The following USP46 variants were observed in gnomAD, a reference collection of about 807,000 sequenced individuals.
The protein encoded by USP46 is ubiquitin carboxyl-terminal hydrolase 46.
Under a neutral mutation model 44.4 loss-of-function variants are expected in USP46, and 12 were observed. The observed-to-expected ratio is 0.27, with a 90% confidence interval of 0.17 to 0.44. The LOEUF (loss-of-function observed/expected upper bound fraction) is 0.44. Ranked by LOEUF, USP46 falls within the 20% of genes least tolerant of loss-of-function variation. USP46 has a pLI of 1.00. For missense variants in USP46, 248 were observed against 444.8 expected (o/e 0.56, Z 3.98); for synonymous variants, 155 against 161.5 (o/e 0.96, Z 0.31).
At position 52,655,602 on chromosome 4, in the gene USP46, T is replaced by C. The variant is rs373250266; in HGVS notation, c.36+3513A>G. Among the ~76,000 whole-genome samples, 6 of 152,326 alleles carry C rather than the reference T, an allele frequency of 3.9e-5. No individual in the cohort carries two copies. In the East Asian group the frequency reaches 7.7e-4, roughly 20 times the overall value. On this transcript the variant is annotated intron_variant, in intron 1 of 8. Coordinates refer to ENST00000441222, the MANE Select transcript of USP46 (RefSeq NM_022832.4). ...TTCCATTTGCAGGGCCATAAAAATA[T>C]ATAGGAAGTTAAATCCATTGGTCTG... is the stretch of plus-strand genomic sequence containing the variant.
chr4:52,602,140 T>G lies in USP46; in HGVS notation c.723-86A>C, dbSNP rs553130897. ...ACTGTCATCTGCACAAACAGAATAG[T>G]AGGAGGTTCTATCCAACTTCAAACC... On this transcript the variant is annotated intron_variant, in intron 6 of 8. Transcript: ENST00000441222. 4.9e-6 allele frequency: 7 copies of G among 1,428,398 alleles called. No individual in the cohort carries two copies. The African/African-American group carries it at 1.0e-4, about 20-fold the overall frequency. The allele number at this position is 1,428,398 out of a possible 1,614,324, so 88.5% of individuals were successfully genotyped here.
intron 5 of USP46, among the ~76,000 whole-genome samples, chr4:52,606,061 A>G (rs541099926): frequency 2.5e-4 from 38 of 152,250 alleles, no homozygotes; most frequent in Middle Eastern, 3.4e-3. Context: ...TGTTCATTTG[A>G]TTACTTGCCT....
At chr4:52,654,049 T>C (rs1292277794) in intron 1 of USP46, among the ~76,000 whole-genome samples, 1 of 152,192 alleles carries the variant, frequency 6.6e-6, no homozygotes, top group Non-Finnish European at 1.5e-5. Flanking sequence ...ATACCAGCAT[T>C]CAACTTTGTT....
chr4:52,639,445 A>T (rs1718245267), intron 1 of USP46, among the ~76,000 whole-genome samples: 1 of 152,106 alleles, frequency 6.6e-6, no homozygotes, highest in African/African-American at 2.4e-5. Flanking sequence ...GCCAGTTTCC[A>T]TCTTTGGAAC....
intron 4 of USP46, among the ~76,000 whole-genome samples, chr4:52,614,910 C>A (rs1317302389): frequency 6.6e-6 from 1 of 152,004 alleles, no homozygotes; most frequent in Non-Finnish European, 1.5e-5. Flanking sequence ...TATATGCTTT[C>A]TACATTTTAT....
At chr4:52,600,687 C>T (rs1716433672) in intron 7 of USP46, among the ~76,000 whole-genome samples, 1 of 152,034 alleles carries the variant, frequency 6.6e-6, no homozygotes, top group Non-Finnish European at 1.5e-5. Context: ...CTCCTGTCCA[C>T]ACCACCCCTG....
intron 1 of USP46, among the ~76,000 whole-genome samples, chr4:52,657,113 C>CA (rs1335179989): frequency 6.6e-6 from 1 of 151,230 alleles, no homozygotes; most frequent in East Asian, 1.9e-4. Context: ...CAAACTCTGT[C>CA]ACTCTCTAGA....
At chr4:52,653,773 T>C (rs1421024514) in intron 1 of USP46, among the ~76,000 whole-genome samples, 1 of 152,058 alleles carries the variant, frequency 6.6e-6, no homozygotes, top group Non-Finnish European at 1.5e-5. Flanking sequence ...TTTCTGATGA[T>C]ACCACAGAAT....
intron 1 of USP46, among the ~76,000 whole-genome samples, chr4:52,648,347 T>C (rs945198719): frequency 6.6e-6 from 1 of 152,214 alleles, no homozygotes; most frequent in African/African-American, 2.4e-5. Context: ...TACTCTTAGG[T>C]GGCACCAGTA....
intron 1 of USP46, among the ~76,000 whole-genome samples, chr4:52,646,403 C>T (rs536454440): frequency 3.3e-5 from 5 of 152,268 alleles, no homozygotes; most frequent in Non-Finnish European, 5.9e-5. Context: ...GGGCTCTCTC[C>T]TCCCATCCTC....
intron 4 of USP46, among the ~76,000 whole-genome samples, chr4:52,618,305 A>G (rs1046590293): frequency 2.0e-5 from 3 of 152,166 alleles, no homozygotes; most frequent in African/African-American, 7.2e-5. Flanking sequence ...CCTGGCCAAC[A>G]TGGTGAAACC....
intron 1 of USP46, among the ~76,000 whole-genome samples, chr4:52,640,599 G>A (rs1427479809): frequency 2.0e-5 from 3 of 151,762 alleles, no homozygotes; most frequent in South Asian, 4.2e-4. Context: ...TTGGGAGTTC[G>A]AGACCAGCCT....
At chr4:52,653,715 T>C (rs1718852701) in intron 1 of USP46, among the ~76,000 whole-genome samples, 1 of 152,044 alleles carries the variant, frequency 6.6e-6, no homozygotes, top group African/African-American at 2.4e-5. Flanking sequence ...TAGCTTTGGG[T>C]GGCTTCATGG....
At chr4:52,610,898 T>A (rs1453019316) in intron 4 of USP46, among the ~76,000 whole-genome samples, 1 of 152,102 alleles carries the variant, frequency 6.6e-6, no homozygotes, top group Non-Finnish European at 1.5e-5. Context: ...ATTTTTCCCA[T>A]CGTTTCAAAG....
intron 1 of USP46, among the ~76,000 whole-genome samples, chr4:52,636,705 C>CA (rs1182691689): frequency 0.043 from 1,510 of 35,422 alleles, 90 homozygotes; most frequent in Non-Finnish European, 0.058. Flanking sequence ...GACTCTGTCT[C>CA]AAAAAAAAAA....
Position 52,598,619 on chromosome 4 carries a change from C to T in USP46, c.999+9G>A, listed in dbSNP as rs377620169. On this transcript the variant is annotated intron_variant, in intron 8 of 8. Coordinates refer to ENST00000441222, the MANE Select transcript of USP46 (RefSeq NM_022832.4). ...TCTATGACTACTGGAGAATAATCTG[C>T]AAACCAACCTCTACAATGTCATCAT... 22 of 1,606,430 alleles carry T rather than the reference C, an allele frequency of 1.4e-5. No individual in the cohort carries two copies. In the Middle Eastern group the frequency reaches 8.2e-4, roughly 60 times the overall value.
chr4:52,646,967 G>A (rs946909299), intron 1 of USP46, among the ~76,000 whole-genome samples: 1 of 152,186 alleles, frequency 6.6e-6, no homozygotes, highest in Non-Finnish European at 1.5e-5. Context: ...AGTTACAAAT[G>A]CAAATCCATT....
rs571663393 is a variant in USP46, at chr4:52,644,788, T to C, written c.37-13644A>G. Among the ~76,000 whole-genome samples the C allele has an allele frequency of 1.4e-3, 204 of 148,234 alleles. No individual in the cohort carries two copies. In the Middle Eastern group the frequency reaches 0.014, roughly 10 times the overall value. ...TGAAAAAAACCTTGGCCAGGCGCAG[T>C]GGCTCACGCCTGTAATCCCAGCACT... On this transcript the variant is annotated intron_variant, in intron 1 of 8. Transcript: ENST00000441222.
intron 7 of USP46, among the ~76,000 whole-genome samples, chr4:52,598,975 C>G (rs1716348541): frequency 6.6e-6 from 1 of 152,214 alleles, no homozygotes; most frequent in South Asian, 2.1e-4. Context: ...AAAAATTACT[C>G]TCTACGTATT....
Sources: allele counts gnomAD v4.1 joint callset (sites outside exome capture counted in the v4.1 genomes callset), GRCh38; gene constraint gnomAD v4.1.1; transcripts MANE v1.5; gene names NCBI Gene and HGNC (gene_info 2026-07-23, HGNC 2026-07-21).